The following VAT1L variants were observed in gnomAD, a reference collection of about 807,000 sequenced individuals.
VAT1L encodes the protein putative NADPH-dependent quinone oxidoreductase VAT1L.
Under a neutral mutation model 44.1 loss-of-function variants are expected in VAT1L, and 34 were observed. That is an observed-to-expected ratio of 0.77 (90% CI 0.59 to 1.03). The LOEUF is 1.03. Among genes scored for constraint, VAT1L ranks in the 50% least tolerant of loss-of-function variants. The pLI is 0.00. For synonymous variants in VAT1L, 253 were observed against 202.2 expected (o/e 1.25, Z -2.13); for missense variants, 615 against 538.8 (o/e 1.14, Z -1.40).
At chr16:77,968,835 T>G (rs540535240) in intron 7 of VAT1L, among the ~76,000 whole-genome samples, 113 of 152,302 alleles carry the variant, frequency 7.4e-4, no homozygotes, top group African/African-American at 2.6e-3. Flanking sequence ...TTCTTTTTTT[T>G]TTAAAGACAG....
chr16:77,854,473 CA>C (rs1363178453), intron 3 of VAT1L, among the ~76,000 whole-genome samples: 1 of 152,174 alleles, frequency 6.6e-6, no homozygotes, highest in African/African-American at 2.4e-5. Context: ...AATTGTTGAG[CA>C]GACAAATGAC....
chr16:77,971,182 C>G (rs960501014), intron 7 of VAT1L, among the ~76,000 whole-genome samples: 91 of 152,232 alleles, frequency 6.0e-4, no homozygotes, highest in African/African-American at 2.0e-3. Flanking sequence ...CACATGGCAA[C>G]AGAATGAAAT....
chr16:77,802,740 G>A (rs2145216644), intron 1 of VAT1L, among the ~76,000 whole-genome samples: 1 of 151,916 alleles, frequency 6.6e-6, no homozygotes, highest in Non-Finnish European at 1.5e-5. Flanking sequence ...CATCCCTTAA[G>A]TGCCGCTGCT....
chr16:77,953,008 G>A (rs1038235797), intron 7 of VAT1L, among the ~76,000 whole-genome samples: 2 of 151,980 alleles, frequency 1.3e-5, no homozygotes, highest in African/African-American at 4.8e-5. Flanking sequence ...TATTTAAAAC[G>A]AGGTCATATC....
At chr16:77,948,966 C>G (rs1305291036) in intron 7 of VAT1L, among the ~76,000 whole-genome samples, 1 of 152,164 alleles carries the variant, frequency 6.6e-6, no homozygotes, top group Admixed American at 6.5e-5. Context: ...ATTAAAATCA[C>G]TGTCACTTAT....
At position 77,846,432 on chromosome 16, in the gene VAT1L, C is replaced by T. The variant is rs936946198; in HGVS notation, c.580-16316C>T. On this transcript the variant is annotated intron_variant, in intron 3 of 8. Transcript: ENST00000302536. ...CACGATTTCATACTGGTAGGGCTGC[C>T]GTATACTGATGAAAGACAGGATGCC... is the stretch of plus-strand genomic sequence containing the variant. Among the ~76,000 whole-genome samples the T allele has an allele frequency of 6.6e-5, 10 of 152,028 alleles. No homozygotes were observed. In the East Asian group the frequency reaches 1.2e-3, roughly 18 times the overall value.
intron 7 of VAT1L, among the ~76,000 whole-genome samples, chr16:77,958,916 C>G (rs940850515): frequency 2.6e-5 from 4 of 152,168 alleles, no homozygotes; most frequent in African/African-American, 9.7e-5. Context: ...ATCCTGTTGC[C>G]AAGTAGGTAC....
chr16:77,961,535 G>C lies in VAT1L; in HGVS notation c.1078-10315G>C, dbSNP rs183702180. The stretch of plus-strand genomic sequence containing the variant: ...ATGGCCCTCTTCTTATCGAGGACTG[G>C]ATCAGTCTGTGACTCACAACAGCCA... On this transcript the variant is annotated intron_variant, in intron 7 of 8. Transcript: ENST00000302536. 1.4e-4 allele frequency among the ~76,000 whole-genome samples: 22 copies of C among 152,232 alleles called. No homozygotes were observed. The East Asian group carries it at 3.7e-3, about 25-fold the overall frequency.
Position 77,884,696 on chromosome 16 carries a change from A to G in VAT1L, c.971A>G (p.Lys324Arg). The change falls in exon 7 of 9, where the codon AAA becomes AGA. Residue 324 changes from lysine (K) to arginine (R), a missense_variant. By Grantham distance (26) the Lys-to-Arg change is conservative (BLOSUM62 2). Transcript: ENST00000302536. This position sits in a 1 kb window ranked among gnomAD's most constrained non-coding sequence, Gnocchi z 4.5. ...AGFSLLNLLF[K>R]QGRAGLIRGV... ...TTTTCCCTTTTAAATCTGCTCTTCA[A>G]ACAAGGCCGGGCGGGCCTCATTCGG... is the stretch of plus-strand genomic sequence containing the variant. The G allele has an allele frequency of 1.2e-6, 2 of 1,612,584 alleles. No individual in the cohort carries two copies. Among genetic ancestry groups the G allele is most frequent in the African/African-American group, 2.7e-5 (2 of 74,982 alleles).
intron 3 of VAT1L, among the ~76,000 whole-genome samples, chr16:77,853,190 G>A (rs1247645703): frequency 6.6e-6 from 1 of 152,190 alleles, no homozygotes; most frequent in Non-Finnish European, 1.5e-5. Flanking sequence ...CAAGCATCAA[G>A]AGCCTCAGAG....
intron 7 of VAT1L, among the ~76,000 whole-genome samples, chr16:77,942,723 G>T (rs917023363): frequency 1.3e-5 from 2 of 151,900 alleles, no homozygotes; most frequent in Non-Finnish European, 2.9e-5. Flanking sequence ...CCTGTTTTTT[G>T]TTGTTGTTGT....
chr16:77,823,436 T>A (rs1023479904), intron 2 of VAT1L, among the ~76,000 whole-genome samples: 1 of 152,122 alleles, frequency 6.6e-6, no homozygotes, highest in Non-Finnish European at 1.5e-5. Flanking sequence ...TCATTTACAG[T>A]TTTATCTCCA....
In VAT1L at chr16:77,977,645, G is replaced by T. The variant is rs1048617127; in HGVS notation, c.1210G>T (p.Asp404Tyr). The T allele has an allele frequency of 2.5e-6, 4 of 1,614,108 alleles. No individual in the cohort carries two copies. The highest frequency in any genetic ancestry group is 3.4e-6 in the Non-Finnish European group (4 of 1,179,990). The change falls in exon 9 of 9, where the codon GAC becomes TAC. Residue 404 changes from aspartate to tyrosine, a missense_variant. Coordinates refer to ENST00000302536, the MANE Select transcript of VAT1L (RefSeq NM_020927.3). ...CAGTGAAGCAGGGGAAGAGGAGGAGGACCACGAGGGAGACAGCGAGAACAA... is the reference window on the plus strand; with the variant it reads ...CAGTGAAGCAGGGGAAGAGGAGGAGTACCACGAGGGAGACAGCGAGAACAA... ...ETSEAGEEEE[D>Y]HEGDSENKER...
chr16:77,961,876 G>A (rs1348737188), intron 7 of VAT1L, among the ~76,000 whole-genome samples: 1 of 152,192 alleles, frequency 6.6e-6, no homozygotes, highest in Non-Finnish European at 1.5e-5. Context: ...ATGAAGCTCA[G>A]CAAAGATGAT....
intron 7 of VAT1L, among the ~76,000 whole-genome samples, chr16:77,932,944 A>G (rs1219219667): frequency 6.6e-6 from 1 of 152,232 alleles, no homozygotes; most frequent in Non-Finnish European, 1.5e-5. Flanking sequence ...CATTGGTATG[A>G]TTCCAAGCAC....
intron 7 of VAT1L, among the ~76,000 whole-genome samples, chr16:77,931,446 G>T (rs2017730067): frequency 6.6e-6 from 1 of 152,192 alleles, no homozygotes; most frequent in Non-Finnish European, 1.5e-5. Flanking sequence ...GTTTCATGGA[G>T]GAGTAAGGTC....
At position 77,803,417 on chromosome 16, in the gene VAT1L, CTTTT is replaced by C. The variant is rs11379202; in HGVS notation, c.234-13487_234-13484del. Among the ~76,000 whole-genome samples the C allele has an allele frequency of 1.4e-4, 15 of 105,504 alleles. No individual in the cohort carries two copies. The Admixed American group carries it at 1.5e-3, about 10-fold the overall frequency. 69.2% of individuals were successfully genotyped at this position (105,504 alleles called of 152,430 possible). On this transcript the variant is annotated intron_variant, in intron 1 of 8. Coordinates refer to ENST00000302536, the MANE Select transcript of VAT1L (RefSeq NM_020927.3). Reference sequence around the variant, plus strand: ...TGAAACAACCATTTTACTAGACATTCTTTTTTTTTTTTTTTTTTTTGAGATGGAG... The same window carrying C: ...TGAAACAACCATTTTACTAGACATTCTTTTTTTTTTTTTTTTGAGATGGAG...
intron 8 of VAT1L, among the ~76,000 whole-genome samples, chr16:77,972,253 A>G (rs889959722): frequency 2.6e-5 from 4 of 152,204 alleles, no homozygotes; most frequent in African/African-American, 9.6e-5. Flanking sequence ...ATAATTTCAC[A>G]TTCATGTTCC....
At chr16:77,929,422 C>T (rs1033270495) in intron 7 of VAT1L, among the ~76,000 whole-genome samples, 3 of 152,138 alleles carry the variant, frequency 2.0e-5, no homozygotes, top group Non-Finnish European at 4.4e-5. Context: ...TCAAGACAAG[C>T]TGAATTTCCT....
Sources: allele counts gnomAD v4.1 joint callset (sites outside exome capture counted in the v4.1 genomes callset), GRCh38; gene constraint gnomAD v4.1.1; non-coding constraint Gnocchi (gnomAD v3.1); transcripts MANE v1.5; gene names NCBI Gene and HGNC (gene_info 2026-07-23, HGNC 2026-07-21).